UNC13C: variants seen among roughly 807,000 people sequenced by gnomAD.
The protein encoded by UNC13C is protein unc-13 homolog C.
A neutral mutation model predicts 245.4 loss-of-function variants in UNC13C; 174 were observed. The ratio of observed to expected loss-of-function variants is 0.71; its 90% CI spans 0.63 to 0.80. The LOEUF is 0.80. UNC13C is among the 30% of genes least tolerant of loss of function. The pLI is 0.00. For synonymous variants in UNC13C, 992 were observed against 895.1 expected (o/e 1.11, Z -1.93); for missense variants, 2,829 against 2,602.9 (o/e 1.09, Z -1.89).
At chr15:54,445,085 G>A (rs910164851) in intron 19 of UNC13C, among the ~76,000 whole-genome samples, 12 of 150,904 alleles carry the variant, frequency 8.0e-5, no homozygotes, top group South Asian at 4.2e-4. Flanking sequence ...TTGTCCTTGC[G>A]ATAGTTTGCT....
At chr15:54,479,605 A>G (rs1241016793) in intron 19 of UNC13C, among the ~76,000 whole-genome samples, 4 of 151,838 alleles carry the variant, frequency 2.6e-5, no homozygotes, top group African/African-American at 7.3e-5. Flanking sequence ...TACTCCTGTC[A>G]TTTTGTTATT....
intron 18 of UNC13C, among the ~76,000 whole-genome samples, chr15:54,403,753 C>T (rs536246707): frequency 4.4e-4 from 64 of 144,736 alleles, no homozygotes; most frequent in African/African-American, 1.5e-3. Flanking sequence ...TTACATAGAT[C>T]CATTCACAGT....
In UNC13C at chr15:54,094,997, G is replaced by A. The variant is rs140133545; in HGVS notation, c.2984-48021G>A. On this transcript the variant is annotated intron_variant, in intron 2 of 32. Coordinates refer to ENST00000260323, the MANE Select transcript of UNC13C (RefSeq NM_001080534.3). ...GTGAGGTATCCAAACCCATTCTGGT[G>A]GCCTCTCTGTGCAACATCTAAGACA... 3.6e-3 allele frequency among the ~76,000 whole-genome samples: 549 copies of A among 152,228 alleles called. 3 individuals are homozygous for A. Among genetic ancestry groups the A allele is most frequent in the Non-Finnish European group, 6.0e-3 (405 of 68,018 alleles).
intron 30 of UNC13C, among the ~76,000 whole-genome samples, chr15:54,615,378 CT>C (rs1900363301): frequency 6.6e-6 from 1 of 151,980 alleles, no homozygotes; most frequent in Non-Finnish European, 1.5e-5. Flanking sequence ...AGTCCCATGA[CT>C]GACTGACTTC....
chr15:54,531,429 C>T (rs1045029310), intron 25 of UNC13C, among the ~76,000 whole-genome samples: 3 of 152,134 alleles, frequency 2.0e-5, no homozygotes, highest in East Asian at 1.9e-4. Context: ...ACAGATATTA[C>T]ATGGCCATGT....
intron 10 of UNC13C, among the ~76,000 whole-genome samples, chr15:54,292,712 T>C (rs1348399410): frequency 6.6e-6 from 1 of 151,700 alleles, no homozygotes; most frequent in Non-Finnish European, 1.5e-5. Flanking sequence ...TTTAGTTTAA[T>C]GATAGGTACA....
At chr15:54,494,812 C>G in intron 20 of UNC13C, 78 bp downstream of exon 20, 1 of 1,487,602 alleles carries the variant, frequency 6.7e-7, no homozygotes, top group Admixed American at 2.1e-5. Flanking sequence ...TTGTGTACCA[C>G]TAAAATCTCT....
At chr15:53,919,576 T>C in the UNC13C span, among the ~76,000 whole-genome samples, 1 of 152,218 alleles carries the variant, frequency 6.6e-6, no homozygotes, top group Non-Finnish European at 1.5e-5. Flanking sequence ...ATTACCACCA[T>C]GTGACTGAAA....
intron 18 of UNC13C, among the ~76,000 whole-genome samples, chr15:54,403,742 C>T (rs926716138): frequency 1.1e-4 from 14 of 130,714 alleles, no homozygotes; most frequent in Non-Finnish European, 2.1e-4. Context: ...AAAAAAAAGG[C>T]TTACATAGAT....
chr15:54,527,714 G>A (rs1449154439), intron 25 of UNC13C, among the ~76,000 whole-genome samples: 1 of 152,132 alleles, frequency 6.6e-6, no homozygotes, highest in African/African-American at 2.4e-5. Flanking sequence ...AAAACCTGCG[G>A]CTACCCAGAA....
Position 54,014,851 on chromosome 15 carries a change from T to G in UNC13C, c.1948T>G (p.Leu650Val). ...RSHYSDSQLS[L>V]HEDLSPWKEW... is the part of the protein sequence containing the mutation. ...TCATTACAGTGATTCTCAGCTCTCT[T>G]TACATGAGGATCTTTCTCCATGGAA... The change falls in exon 2 of 33, where the codon TTA (leucine) becomes GTA (valine). Residue 650 changes from leucine (L) to valine (V), a missense_variant. Transcript: ENST00000260323. 1.2e-6 allele frequency: 2 copies of G among 1,613,890 alleles called. No homozygotes were observed. The highest frequency in any genetic ancestry group is 1.7e-6 in the Non-Finnish European group (2 of 1,179,828).
chr15:54,371,705 G>GAT (rs534762481), intron 17 of UNC13C, among the ~76,000 whole-genome samples: 2,733 of 122,872 alleles, frequency 0.022, 44 homozygotes, highest in South Asian at 0.072. Flanking sequence ...CTTAATAATG[G>GAT]ATATATATAT....
chr15:54,032,786 G>A (rs1305240325), intron 2 of UNC13C, among the ~76,000 whole-genome samples: 1 of 152,130 alleles, frequency 6.6e-6, no homozygotes, highest in Non-Finnish European at 1.5e-5. Flanking sequence ...ATAACAGTAC[G>A]CTGATATTAA....
rs115277126 is a variant in UNC13C at position 54,276,858 on chromosome 15, C to T, written c.3818+11362C>T. Among the ~76,000 whole-genome samples, 1,317 of 152,178 alleles carry T rather than the reference C, an allele frequency of 8.7e-3. 21 individuals carry two copies. The highest frequency in any genetic ancestry group is 0.03 in the African/African-American group (1,254 of 41,556). On this transcript the variant is annotated intron_variant, in intron 10 of 32. Transcript: ENST00000260323. ...TTATATATGTTACTGTAATTTTCCT[C>T]ACCTAAGTTTTGAGCTACTTAAGGA... is the stretch of plus-strand genomic sequence containing the variant.
At chr15:54,124,001 C>G (rs571761300) in intron 2 of UNC13C, among the ~76,000 whole-genome samples, 5 of 152,256 alleles carry the variant, frequency 3.3e-5, no homozygotes, top group Non-Finnish European at 7.4e-5. Flanking sequence ...GCCCTGAGAT[C>G]TATTCAAATT....
chr15:54,563,841 CAG>C (rs1249964476), intron 29 of UNC13C, among the ~76,000 whole-genome samples: 1 of 152,008 alleles, frequency 6.6e-6, no homozygotes. Context: ...CCAGTTCCTT[CAG>C]AGTCATGGGC....
At chr15:54,176,019 C>T (rs28420735) in intron 4 of UNC13C, among the ~76,000 whole-genome samples, 16,177 of 152,176 alleles carry the variant, frequency 0.11, 1,449 homozygotes, top group African/African-American at 0.24. Flanking sequence ...AGGATATCTC[C>T]TTCCTCATCT....
intron 21 of UNC13C, 148 bp downstream of exon 21, chr15:54,500,323 C>A: frequency 1.6e-6 from 1 of 618,706 alleles, no homozygotes; most frequent in Non-Finnish European, 2.7e-6. Context: ...TTTCAGTGGT[C>A]TGGTCAGAAC....
chr15:54,148,210 C>G (rs531462605), intron 4 of UNC13C, among the ~76,000 whole-genome samples: 1 of 152,282 alleles, frequency 6.6e-6, no homozygotes, highest in South Asian at 2.1e-4. Flanking sequence ...CATTTTCAAA[C>G]AGGTACATTT....
Sources: gnomAD v4.1 joint callset for allele counts (sites outside exome capture counted in the v4.1 genomes callset) on GRCh38, gnomAD v4.1.1 for gene constraint, MANE v1.5 for transcripts, NCBI Gene and HGNC (gene_info 2026-07-23, HGNC 2026-07-21) for gene names.